Variants in CSMD1 observed in about 807,000 individuals in gnomAD.
CSMD1 encodes the protein CUB and sushi domain-containing protein 1.
A neutral mutation model predicts 417.5 loss-of-function variants in CSMD1; 213 were observed. The ratio of observed to expected loss-of-function variants is 0.51; its 90% CI spans 0.46 to 0.57. The LOEUF is 0.57. CSMD1 is among the 20% of genes least tolerant of loss of function. CSMD1 has a pLI of 0.00. For missense variants in CSMD1, 6,923 were observed against 4,529.7 expected, an observed-to-expected ratio of 1.53 and a Z score of -15.17; for synonymous variants, 2,862 against 1,736.8, an observed-to-expected ratio of 1.65 and a Z score of -16.11.
At chr8:4,397,578 A>C (rs1293221355) in intron 3 of CSMD1, among the ~76,000 whole-genome samples, 3 of 116,548 alleles carry the variant, frequency 2.6e-5, no homozygotes, top group Non-Finnish European at 3.3e-5. Flanking sequence ...TCTTTTGCCC[A>C]GGCCACAGTG....
intron 1 of CSMD1, among the ~76,000 whole-genome samples, chr8:4,798,802 A>C (rs935709394): frequency 4.2e-4 from 64 of 152,240 alleles, no homozygotes; most frequent in African/African-American, 1.5e-3. Flanking sequence ...AGAAACTGGG[A>C]GAAGAAAAAT....
intron 4 of CSMD1, among the ~76,000 whole-genome samples, chr8:4,024,823 AG>A (rs1345542581): frequency 6.6e-6 from 1 of 152,220 alleles, no homozygotes; most frequent in Non-Finnish European, 1.5e-5. Context: ...GTATGACTTC[AG>A]GGATCTAAGC....
At chr8:3,800,364 G>C (rs1030120024) in intron 5 of CSMD1, among the ~76,000 whole-genome samples, 7 of 152,058 alleles carry the variant, frequency 4.6e-5, no homozygotes, top group African/African-American at 1.4e-4. Context: ...GAAGTGTTTT[G>C]AGAAACAAAT....
chr8:3,876,632 CAG>C (rs1029896963), intron 5 of CSMD1, among the ~76,000 whole-genome samples: 14 of 152,156 alleles, frequency 9.2e-5, no homozygotes, highest in African/African-American at 2.4e-4. Flanking sequence ...GTTTTTGAGA[CAG>C]AGTCTTGCTC....
intron 55 of CSMD1, among the ~76,000 whole-genome samples, chr8:2,975,455 T>C (rs1330277161): frequency 6.6e-6 from 1 of 152,174 alleles, no homozygotes; most frequent in Non-Finnish European, 1.5e-5. Flanking sequence ...CCTAGAGTAA[T>C]TCCATTTGGT....
At chr8:3,316,609 G>A (rs117503415) in intron 23 of CSMD1, among the ~76,000 whole-genome samples, 2 of 152,250 alleles carry the variant, frequency 1.3e-5, no homozygotes, top group East Asian at 3.9e-4. Context: ...GGTGGAAAAG[G>A]CTTCAAATCG....
At chr8:4,286,119 G>A (rs551694785) in intron 3 of CSMD1, among the ~76,000 whole-genome samples, 14 of 152,104 alleles carry the variant, frequency 9.2e-5, no homozygotes, top group African/African-American at 2.7e-4. Flanking sequence ...TCACGTTAAC[G>A]ATATGCGCAC....
At chr8:3,092,565 G>A (rs963818159) in intron 47 of CSMD1, among the ~76,000 whole-genome samples, 1 of 152,038 alleles carries the variant, frequency 6.6e-6, no homozygotes, top group African/African-American at 2.4e-5. Flanking sequence ...AGGGCCTAAA[G>A]TAAATTTGAC....
rs150712142 is a variant in CSMD1 at position 4,898,575 on chromosome 8, A to G, written c.85+95757T>C. ...AATCCAAGGGTGAGCATGGCTCACA[A>G]ATCATATCCTAGTTCTTTGAATGGC... On this transcript the variant is annotated intron_variant, in intron 1 of 69. Coordinates refer to ENST00000635120, the MANE Select transcript of CSMD1 (RefSeq NM_033225.6). Among the ~76,000 whole-genome samples the G allele has an allele frequency of 4.6e-5, 7 of 152,334 alleles. No individual in the cohort carries two copies. The East Asian group carries it at 9.6e-4, about 21-fold the overall frequency.
At chr8:4,543,588 G>A (rs552095498) in intron 2 of CSMD1, among the ~76,000 whole-genome samples, 92 of 138,398 alleles carry the variant, frequency 6.6e-4, no homozygotes, top group African/African-American at 2.4e-3. Context: ...TCATGCACAG[G>A]TTTTTGTATG....
chr8:4,637,230 A>AC lies in CSMD1; in HGVS notation c.302+111dup. On this transcript the variant is annotated intron_variant, in intron 2 of 69. Transcript: ENST00000635120. ...TTGAAGTCAGCGAGGCCACGAACCC[A>AC]CCGGAAGGAACCAACTCCGGACACA... 4.4e-6 allele frequency: 4 copies of AC among 908,054 alleles called. No homozygotes were observed. The East Asian group carries it at 7.4e-5, about 17-fold the overall frequency. 56.2% of individuals were successfully genotyped at this position (908,054 alleles called of 1,614,324 possible). A position where few individuals can be genotyped will look rare whatever the true frequency, so the allele number is the denominator to read the frequency against.
intron 1 of CSMD1, among the ~76,000 whole-genome samples, chr8:4,963,092 C>G (rs1459299805): frequency 6.6e-6 from 1 of 152,178 alleles, no homozygotes; most frequent in Non-Finnish European, 1.5e-5. Flanking sequence ...CTCCAGGCCT[C>G]CGCAAGAATA....
intron 5 of CSMD1, among the ~76,000 whole-genome samples, chr8:3,935,615 T>C (rs1218477648): frequency 6.6e-6 from 1 of 152,112 alleles, no homozygotes; most frequent in African/African-American, 2.4e-5. Flanking sequence ...ACTATTGTAA[T>C]TGTTTGGGGG....
chr8:4,699,138 C>A (rs1037144916), intron 1 of CSMD1, among the ~76,000 whole-genome samples: 14 of 152,230 alleles, frequency 9.2e-5, no homozygotes, highest in African/African-American at 2.9e-4. Flanking sequence ...TGGATGATGC[C>A]AGATTTGGAA....
At chr8:3,564,265 C>G (rs904524996) in intron 10 of CSMD1, among the ~76,000 whole-genome samples, 2 of 152,082 alleles carry the variant, frequency 1.3e-5, no homozygotes, top group African/African-American at 4.8e-5. Flanking sequence ...ACTTAAGCAA[C>G]TTTTATTAAG....
intron 1 of CSMD1, among the ~76,000 whole-genome samples, chr8:4,747,450 A>G (rs1413182919): frequency 6.6e-6 from 1 of 152,196 alleles, no homozygotes; most frequent in Non-Finnish European, 1.5e-5. Flanking sequence ...TATGTCAGAG[A>G]AAATTTAAGC....
chr8:4,964,679 C>T (rs1809736422), intron 1 of CSMD1, among the ~76,000 whole-genome samples: 1 of 152,158 alleles, frequency 6.6e-6, no homozygotes, highest in East Asian at 1.9e-4. Context: ...AGAGATTCTC[C>T]ATTCTCCAGG....
intron 2 of CSMD1, among the ~76,000 whole-genome samples, chr8:4,466,305 AG>A (rs1800164746): frequency 6.6e-6 from 1 of 152,136 alleles, no homozygotes. Flanking sequence ...GAGGAGGAGG[AG>A]AAACAGAAGA....
chr8:3,396,189 C>G lies in CSMD1; in HGVS notation c.2593+5G>C, dbSNP rs761011922. ...GCCGGGCTGTCAAGGGAAGGTGCAA[C>G]TCACTCTCATAGTGGATGAGGAAGC... On this transcript the variant is annotated splice_donor_5th_base_variant and intron_variant, in intron 17 of 69. Coordinates refer to ENST00000635120, the MANE Select transcript of CSMD1 (RefSeq NM_033225.6). 1 of 1,556,208 alleles carries G rather than the reference C, an allele frequency of 6.4e-7. No individual in the cohort carries two copies. The highest frequency in any genetic ancestry group is 1.9e-5 in the Admixed American group (1 of 51,424).
Sources: gnomAD v4.1 joint callset for allele counts (sites outside exome capture counted in the v4.1 genomes callset) on GRCh38, gnomAD v4.1.1 for gene constraint, MANE v1.5 for transcripts, NCBI Gene and HGNC (gene_info 2026-07-23, HGNC 2026-07-21) for gene names.